ASS1: variants seen among roughly 807,000 people sequenced by gnomAD.
ASS1 encodes argininosuccinate synthase.
ASS1 carries 58 observed loss-of-function variants against 60.5 expected under a neutral mutation model. The observed-to-expected ratio is 0.96, with a 90% CI of 0.78 to 1.19. The LOEUF (loss-of-function observed/expected upper bound fraction) is 1.19, where lower values mean the gene tolerates loss of function less well. ASS1 is among the 50% of genes most tolerant of loss of function. ASS1 has a pLI of 0.00. For synonymous variants in ASS1, 200 were observed against 206.9 expected, an observed-to-expected ratio of 0.97 and a Z score of 0.29; for missense variants, 454 against 547.3, an observed-to-expected ratio of 0.83 and a Z score of 1.70.
intron 11 of ASS1, among the ~76,000 whole-genome samples, chr9:130,485,218 C>T (rs1846279999): frequency 1.3e-5 from 2 of 152,170 alleles, no homozygotes; most frequent in South Asian, 2.1e-4. Context: ...GCTGTGGCCT[C>T]GAATGTTCTC....
At chr9:130,444,769 G>T (rs912709075), upstream of ASS1, among the ~76,000 whole-genome samples, 1 of 151,918 alleles carries the variant, frequency 6.6e-6, no homozygotes, top group South Asian at 2.1e-4. The surrounding 1 kb of genome is among the most constrained non-coding windows in gnomAD (Gnocchi z 4.7). Context: ...GTGGGAGGCG[G>T]GGGGAGGTGG....
In ASS1 at chr9:130,489,321, A is replaced by C. The variant is rs773143057; in HGVS notation, c.839-12A>C. On this transcript the variant is annotated splice_polypyrimidine_tract_variant and intron_variant, in intron 11 of 14. Coordinates refer to ENST00000352480, the MANE Select transcript of ASS1 (RefSeq NM_054012.4). The surrounding 1 kb of genome is among the most constrained non-coding windows in gnomAD (Gnocchi z 4.1). ...TTTTTCTCCTTTTCCCCCTGCCTGG[A>C]AAAATGGCTAGGTATCTACGAGACC... The C allele has an allele frequency of 3.1e-6, 5 of 1,612,616 alleles. No individual in the cohort carries two copies. The highest frequency in any genetic ancestry group is 4.2e-6 in the Non-Finnish European group (5 of 1,179,624).
At position 130,479,943 on chromosome 9, in the gene ASS1, TC is replaced by T. The variant is rs747292690; in HGVS notation, c.773+146del. 4.9e-6 allele frequency: 5 copies of T among 1,022,314 alleles called. No individual in the cohort carries two copies. In the African/African-American group the frequency reaches 7.9e-5, roughly 16 times the overall value. The allele number at this position is 1,022,314 out of a possible 1,614,324, so 63.3% of individuals were successfully genotyped here. ...GTCCCTTCCCCATAGCCACAGAGTTTCCCGGACCAGGGGGACCCATTTGGCA... is the reference window on the plus strand; with the variant it reads ...GTCCCTTCCCCATAGCCACAGAGTTTCCGGACCAGGGGGACCCATTTGGCA... On this transcript the variant is annotated intron_variant, in intron 10 of 14. Coordinates refer to ENST00000352480, the MANE Select transcript of ASS1 (RefSeq NM_054012.4).
chr9:130,449,013 A>C (rs11243372), intron 1 of ASS1, among the ~76,000 whole-genome samples: 1 of 151,988 alleles, frequency 6.6e-6, no homozygotes, highest in Non-Finnish European at 1.5e-5. Flanking sequence ...CATGGAGCTC[A>C]TAGTGGGGGA....
intron 11 of ASS1, among the ~76,000 whole-genome samples, chr9:130,482,178 G>A (rs1389736104): frequency 1.3e-5 from 2 of 152,066 alleles, no homozygotes; most frequent in Non-Finnish European, 2.9e-5. Flanking sequence ...TAACAGCTTA[G>A]ACTGGAGTTG....
Position 130,489,549 on chromosome 9 carries a change from C to A in ASS1, c.970+85C>A, listed in dbSNP as rs1334074263. On this transcript the variant is annotated intron_variant, in intron 12 of 14. Coordinates refer to ENST00000352480, the MANE Select transcript of ASS1 (RefSeq NM_054012.4). This position sits in a 1 kb window ranked among gnomAD's most constrained non-coding sequence, Gnocchi z 4.1. Reference sequence around the variant, plus strand: ...TCAGGCTCTCGGGCCTGGCCCTCCCCTCCGTATCAGCACCTTCCTCCCCTG... The same window carrying A: ...TCAGGCTCTCGGGCCTGGCCCTCCCATCCGTATCAGCACCTTCCTCCCCTG... The A allele has an allele frequency of 1.3e-5, 21 of 1,599,440 alleles. No homozygotes were observed. Among genetic ancestry groups the A allele is most frequent in the Non-Finnish European group, 1.8e-5 (21 of 1,169,980 alleles).
At chr9:130,468,124 G>A (rs1224075294) in intron 6 of ASS1, among the ~76,000 whole-genome samples, 4 of 152,208 alleles carry the variant, frequency 2.6e-5, no homozygotes, top group Non-Finnish European at 5.9e-5. Flanking sequence ...GCACGTTCTA[G>A]AAGGAGGCAG....
At chr9:130,484,649 C>T (rs1452848533) in intron 11 of ASS1, among the ~76,000 whole-genome samples, 12 of 152,108 alleles carry the variant, frequency 7.9e-5, no homozygotes, top group East Asian at 7.7e-4. Context: ...CTTCTCTCTG[C>T]GCAGTGGTTT....
At chr9:130,448,141 C>CGG (rs990405265) in intron 1 of ASS1, among the ~76,000 whole-genome samples, 1 of 151,892 alleles carries the variant, frequency 6.6e-6, no homozygotes, top group African/African-American at 2.4e-5. Flanking sequence ...GTTTTTGCCT[C>CGG]GGGCTGCAAA....
At chr9:130,471,190 A>C (rs1845858030) in intron 7 of ASS1, among the ~76,000 whole-genome samples, 2 of 152,190 alleles carry the variant, frequency 1.3e-5, no homozygotes, top group Non-Finnish European at 2.9e-5. Flanking sequence ...GAAGAGGCCC[A>C]GATGTGGCAC....
At chr9:130,448,100 T>TC (rs1331810516) in intron 1 of ASS1, among the ~76,000 whole-genome samples, 1 of 151,652 alleles carries the variant, frequency 6.6e-6, no homozygotes, top group East Asian at 1.9e-4. Context: ...TGTCACTTCC[T>TC]CCCCCGACAT....
intron 5 of ASS1, 23 bp downstream of exon 5, chr9:130,464,190 A>G: frequency 3.7e-6 from 6 of 1,612,300 alleles, no homozygotes; most frequent in Non-Finnish European, 4.2e-6. Context: ...TCCTCCCCTT[A>G]GCAGGGAGCA....
Position 130,458,541 on chromosome 9 carries a change from C to G in ASS1, c.315C>G (p.Ile105Met). ...GCATCGCCCGCAAACAAGTGGAAAT[C>G]GCCCAGCGGGAGGGGGCCAAGTATG... ...RPCIARKQVE[I>M]AQREGAKYVS... Residue 105 changes from isoleucine (I) to methionine (M), a missense_variant, in exon 4 of 15, where the codon ATC becomes ATG. By Grantham distance (10) the Ile-to-Met change is conservative (BLOSUM62 1). Coordinates refer to ENST00000352480, the MANE Select transcript of ASS1 (RefSeq NM_054012.4). 1 of 1,613,370 alleles carries G rather than the reference C, an allele frequency of 6.2e-7. No individual in the cohort carries two copies. Among genetic ancestry groups the G allele is most frequent in the Non-Finnish European group, 8.5e-7 (1 of 1,179,890 alleles).
intron 13 of ASS1, among the ~76,000 whole-genome samples, chr9:130,497,212 G>A (rs960749666): frequency 3.3e-5 from 5 of 152,076 alleles, no homozygotes; most frequent in African/African-American, 1.2e-4. Flanking sequence ...AATGAATAAA[G>A]TAAAAAGGGA....
In ASS1 at chr9:130,479,801, G is replaced by T; in HGVS notation, c.773+1G>T. The T allele has an allele frequency of 5.6e-6, 9 of 1,613,816 alleles. No homozygotes were observed. Among genetic ancestry groups the T allele is most frequent in the Non-Finnish European group, 7.6e-6 (9 of 1,179,656 alleles). ...TCTTCATGTACCTGAACGAAGTCGC[G>T]TGAGTGTCTGCAGCCCTGTCCGGCC... On this transcript the variant is annotated splice_donor_variant, in intron 10 of 14. Coordinates refer to ENST00000352480, the MANE Select transcript of ASS1 (RefSeq NM_054012.4). LOFTEE classifies it high-confidence loss of function.
chr9:130,449,095 C>T (rs1307024643), intron 1 of ASS1, among the ~76,000 whole-genome samples: 1 of 152,146 alleles, frequency 6.6e-6, no homozygotes, highest in African/African-American at 2.4e-5. Flanking sequence ...CTTTGAGAGG[C>T]TGAGGCAGGC....
chr9:130,462,256 T>C (rs1845615780), intron 4 of ASS1, among the ~76,000 whole-genome samples: 1 of 152,210 alleles, frequency 6.6e-6, no homozygotes, highest in African/African-American at 2.4e-5. Flanking sequence ...CCAGGGCAGA[T>C]GGGAGACCCC....
intron 4 of ASS1, among the ~76,000 whole-genome samples, chr9:130,458,990 G>A (rs1314256081): frequency 1.3e-5 from 2 of 152,258 alleles, no homozygotes; most frequent in Non-Finnish European, 1.5e-5. Context: ...CTGGCTTGCC[G>A]TGTGTCCTCA....
intron 6 of ASS1, among the ~76,000 whole-genome samples, chr9:130,468,118 G>A (rs1169120027): frequency 3.3e-5 from 5 of 152,186 alleles, no homozygotes; most frequent in African/African-American, 9.7e-5. Context: ...ATCTGAGCAC[G>A]TTCTAGAAGG....
Sources: allele counts gnomAD v4.1 joint callset (sites outside exome capture counted in the v4.1 genomes callset), GRCh38; gene constraint gnomAD v4.1.1; non-coding constraint Gnocchi (gnomAD v3.1); transcripts MANE v1.5; gene names NCBI Gene and HGNC (gene_info 2026-07-23, HGNC 2026-07-21).